KCNJ6: variants seen among roughly 807,000 people sequenced by gnomAD.
KCNJ6 encodes G protein-activated inward rectifier potassium channel 2.
A neutral mutation model predicts 34.2 loss-of-function variants in KCNJ6; 9 were observed. That is an observed-to-expected ratio of 0.26 (90% confidence interval 0.16 to 0.46). KCNJ6 has a LOEUF of 0.46. KCNJ6 is among the 20% of genes least tolerant of loss of function. KCNJ6 has a pLI of 1.00. For missense variants in KCNJ6, 236 were observed against 531.3 expected (o/e 0.44, Z 5.46); for synonymous variants, 196 against 207.1 (o/e 0.95, Z 0.46).
intron 1 of KCNJ6, among the ~76,000 whole-genome samples, chr21:37,848,706 T>G (rs1012998959): frequency 6.6e-6 from 1 of 152,216 alleles, no homozygotes; most frequent in African/African-American, 2.4e-5. Context: ...AGTTCGTAGA[T>G]GGCAGGAGAG....
At chr21:37,805,364 A>T (rs1355576573) in intron 2 of KCNJ6, among the ~76,000 whole-genome samples, 1 of 151,580 alleles carries the variant, frequency 6.6e-6, no homozygotes, top group African/African-American at 2.4e-5. Context: ...TGAATCTTAA[A>T]TTGTATTATT....
intron 3 of KCNJ6, among the ~76,000 whole-genome samples, chr21:37,685,453 G>A (rs556642133): frequency 2.7e-5 from 4 of 146,994 alleles, no homozygotes; most frequent in African/African-American, 5.0e-5. Context: ...AGGCCAAGGC[G>A]GGCGGATCAC....
intron 2 of KCNJ6, among the ~76,000 whole-genome samples, chr21:37,804,344 C>G (rs1255101590): frequency 6.6e-6 from 1 of 152,200 alleles, no homozygotes; most frequent in Non-Finnish European, 1.5e-5. Flanking sequence ...TGCATACCCC[C>G]CAAAATTAAA....
intron 2 of KCNJ6, among the ~76,000 whole-genome samples, chr21:37,779,139 T>G (rs1441805933): frequency 6.6e-6 from 1 of 152,170 alleles, no homozygotes; most frequent in Non-Finnish European, 1.5e-5. Context: ...AAAATAGTAC[T>G]TGTCTTGATC....
In KCNJ6 at chr21:37,608,179, A is replaced by G. The variant is rs183004515; in HGVS notation, c.*16980T>C. 1 of 152,210 alleles carries G rather than the reference A, an allele frequency of 6.6e-6. No individual in the cohort carries two copies. Among genetic ancestry groups the G allele is most frequent in the African/African-American group, 2.4e-5 (1 of 41,448 alleles). The allele number at this position is 152,210 out of a possible 1,614,324, so 9.4% of individuals were successfully genotyped here. A position where few individuals can be genotyped will look rare whatever the true frequency, so the allele number is the denominator to read the frequency against. ...TTCTAAGTCTCTATAAATTAGCACC[A>G]GTTTTCCAAATGCATATTTTATCAA... On this transcript the variant is annotated 3_prime_UTR_variant, in exon 4 of 4. Transcript: ENST00000609713.
chr21:37,681,283 T>C (rs1475321147), intron 3 of KCNJ6, among the ~76,000 whole-genome samples: 1 of 152,274 alleles, frequency 6.6e-6, no homozygotes, highest in Non-Finnish European at 1.5e-5. Context: ...CATTTGCCAA[T>C]TGATGCTGAC....
intron 3 of KCNJ6, among the ~76,000 whole-genome samples, chr21:37,689,165 G>C (rs1260824448): frequency 6.6e-6 from 1 of 152,164 alleles, no homozygotes; most frequent in African/African-American, 2.4e-5. Flanking sequence ...TTACAGGAAA[G>C]CTTGCAGAGT....
intron 2 of KCNJ6, among the ~76,000 whole-genome samples, chr21:37,793,545 CAAAAA>C (rs954872713): frequency 1.2e-3 from 24 of 19,898 alleles, no homozygotes; most frequent in Non-Finnish European, 1.9e-3. Context: ...GACTCCATCT[CAAAAA>C]AAAAAAAAAA....
chr21:37,909,595 C>T (rs1009968820), intron 1 of KCNJ6, among the ~76,000 whole-genome samples: 1 of 152,208 alleles, frequency 6.6e-6, no homozygotes, highest in African/African-American at 2.4e-5. Context: ...CAAGTCATCT[C>T]CTGGCCTCAA....
At chr21:37,655,253 G>A (rs796280354) in intron 3 of KCNJ6, among the ~76,000 whole-genome samples, 4,042 of 137,518 alleles carry the variant, frequency 0.029, 172 homozygotes, top group African/African-American at 0.082. Flanking sequence ...GAGAGAGAGA[G>A]AGAGAGAGAG....
chr21:37,726,942 A>T (rs1379706452), intron 2 of KCNJ6, among the ~76,000 whole-genome samples: 1 of 152,214 alleles, frequency 6.6e-6, no homozygotes, highest in African/African-American at 2.4e-5. Flanking sequence ...GTCTTTGCAG[A>T]TATAAATAAG....
In KCNJ6 at chr21:37,612,078, T is replaced by C. The variant is rs960053121; in HGVS notation, c.*13081A>G. ...TTTACAGATGACATGATCATCTATG[T>C]AGAAAATCTGAAATAACTGACCAAA... On this transcript the variant is annotated 3_prime_UTR_variant, in exon 4 of 4. Transcript: ENST00000609713. The C allele has an allele frequency of 2.0e-5, 3 of 152,208 alleles. No homozygotes were observed. The highest frequency in any genetic ancestry group is 4.4e-5 in the Non-Finnish European group (3 of 68,032). 9.4% of individuals were successfully genotyped at this position (152,208 alleles called of 1,614,324 possible).
At chr21:37,806,137 G>A (rs2055292593) in intron 2 of KCNJ6, among the ~76,000 whole-genome samples, 1 of 152,202 alleles carries the variant, frequency 6.6e-6, no homozygotes, top group Non-Finnish European at 1.5e-5. Flanking sequence ...ATGGAAAGAA[G>A]CCCCAGCAAC....
In KCNJ6 at chr21:37,781,331, G is replaced by A. The variant is rs189494594; in HGVS notation, c.25+59327C>T. ...CATAATCCGAACTTTGGCAGAGGCT[G>A]GGGTAAGGGCGCAGTGACAGAGAAG... On this transcript the variant is annotated intron_variant, in intron 2 of 3. Coordinates refer to ENST00000609713, the MANE Select transcript of KCNJ6 (RefSeq NM_002240.5). Among the ~76,000 whole-genome samples the A allele has an allele frequency of 1.8e-4, 28 of 152,316 alleles. 1 individual carries two copies. Among genetic ancestry groups the A allele is most frequent in the Admixed American group, 1.6e-3 (25 of 15,306 alleles).
chr21:37,655,142 A>G (rs1300896872), intron 3 of KCNJ6, among the ~76,000 whole-genome samples: 2 of 150,048 alleles, frequency 1.3e-5, no homozygotes, highest in Non-Finnish European at 2.9e-5. Context: ...TAGTCCTGCC[A>G]TGGTCTTAGA....
intron 3 of KCNJ6, among the ~76,000 whole-genome samples, chr21:37,652,150 G>A (rs2054436712): frequency 6.6e-6 from 1 of 152,186 alleles, no homozygotes; most frequent in Non-Finnish European, 1.5e-5. Flanking sequence ...ACAACAGCTT[G>A]AGTGAATAGA....
intron 2 of KCNJ6, among the ~76,000 whole-genome samples, chr21:37,763,243 A>T (rs1271691453): frequency 6.6e-6 from 1 of 152,040 alleles, no homozygotes; most frequent in African/African-American, 2.4e-5. Flanking sequence ...GCCTGCTTGT[A>T]GGGGGGGCCT....
chr21:37,731,224 G>A (rs938739802), intron 2 of KCNJ6, among the ~76,000 whole-genome samples: 6 of 152,276 alleles, frequency 3.9e-5, no homozygotes, highest in African/African-American at 7.2e-5. Flanking sequence ...CCCCAGTGGA[G>A]CAGAAGAAGT....
rs375366976 is a variant in KCNJ6, at chr21:37,757,535, G to C, written c.26-42404C>G. Among the ~76,000 whole-genome samples, 12 of 151,310 alleles carry C rather than the reference G, an allele frequency of 7.9e-5. No individual in the cohort carries two copies. In the East Asian group the frequency reaches 2.2e-3, roughly 28 times the overall value. On this transcript the variant is annotated intron_variant, in intron 2 of 3. Transcript: ENST00000609713. ...CTCACAGTGTGATGATTCCAGCCTGGAGTGAGCACTCCCTCACAGCATGAT... is the reference window on the plus strand; with the variant it reads ...CTCACAGTGTGATGATTCCAGCCTGCAGTGAGCACTCCCTCACAGCATGAT...
Sources: gnomAD v4.1 joint callset for allele counts (sites outside exome capture counted in the v4.1 genomes callset) on GRCh38, gnomAD v4.1.1 for gene constraint, MANE v1.5 for transcripts, NCBI Gene and HGNC (gene_info 2026-07-23, HGNC 2026-07-21) for gene names.